The following INSL6 variants were observed in gnomAD, a reference collection of about 807,000 sequenced individuals.
The protein encoded by INSL6 is insulin like 6.
A neutral mutation model predicts 9.4 loss-of-function variants in INSL6; 16 were observed. That is an observed-to-expected ratio of 1.70 (90% CI 1.15 to 2.59). The LOEUF is 2.59. Among genes scored for constraint, INSL6 ranks in the 30% most tolerant of loss-of-function variants. INSL6 has a pLI of 0.00. For missense variants in INSL6, 391 were observed against 257.3 expected (o/e 1.52, Z -3.56); for synonymous variants, 154 against 96.9 (o/e 1.59, Z -3.46).
the INSL6 span, among the ~76,000 whole-genome samples, chr9:5,081,020 T>G: frequency 6.6e-6 from 1 of 150,546 alleles, no homozygotes; most frequent in Non-Finnish European, 1.5e-5. Context: ...CTCAGCCTCC[T>G]GAGTAGCTGG....
At chr9:5,017,960 TC>T in the INSL6 span, among the ~76,000 whole-genome samples, 1 of 152,214 alleles carries the variant, frequency 6.6e-6, no homozygotes, top group Non-Finnish European at 1.5e-5. Flanking sequence ...TCTTTTTCTA[TC>T]CCTTTACTTT....
chr9:5,110,776 G>C, the INSL6 span: 1 of 393,896 alleles, frequency 2.5e-6, no homozygotes, highest in Middle Eastern at 8.5e-4. Flanking sequence ...TGCAGGAGTG[G>C]TAAGGGCCCG....
At chr9:5,066,135 T>C in the INSL6 span, among the ~76,000 whole-genome samples, 1 of 152,152 alleles carries the variant, frequency 6.6e-6, no homozygotes, top group East Asian at 1.9e-4. Context: ...TTCTTTTGTA[T>C]AGATTATATT....
chr9:5,116,064 TA>T, the INSL6 span, among the ~76,000 whole-genome samples: 2 of 150,118 alleles, frequency 1.3e-5, no homozygotes, highest in African/African-American at 4.9e-5. Context: ...TAATAAAATT[TA>T]AAAAAAAAAC....
chr9:5,113,867 C>G, the INSL6 span: 4 of 209,368 alleles, frequency 1.9e-5, no homozygotes, highest in Non-Finnish European at 3.9e-5. Context: ...AGGGACTTCA[C>G]CCTCCCCACC....
chr9:5,012,171 T>C, the INSL6 span, among the ~76,000 whole-genome samples: 1 of 152,206 alleles, frequency 6.6e-6, no homozygotes, highest in Non-Finnish European at 1.5e-5. Context: ...CCAGTAAGAC[T>C]GCAGCTTTTT....
At chr9:5,057,548 C>G in the INSL6 span, among the ~76,000 whole-genome samples, 1 of 150,716 alleles carries the variant, frequency 6.6e-6, no homozygotes, top group Non-Finnish European at 1.5e-5. Flanking sequence ...ATTTCCCCCT[C>G]TTCCCAATCC....
the INSL6 span, among the ~76,000 whole-genome samples, chr9:5,046,649 CTG>C: frequency 6.6e-6 from 1 of 152,166 alleles, no homozygotes; most frequent in Admixed American, 6.5e-5. Flanking sequence ...TGTTGAAAGA[CTG>C]TCTTTTCTCC....
At chr9:5,068,076 C>G in the INSL6 span, among the ~76,000 whole-genome samples, 8 of 151,678 alleles carry the variant, frequency 5.3e-5, no homozygotes, top group African/African-American at 1.9e-4. Context: ...AGGAGAAGCG[C>G]TTGAACCCGG....
At chr9:5,130,399 A>G (rs1480170192) in intron 3 of INSL6, among the ~76,000 whole-genome samples, 1 of 152,166 alleles carries the variant, frequency 6.6e-6, no homozygotes, top group African/African-American at 2.4e-5. Context: ...AATAACAGAT[A>G]GATCAAGGTG....
chr9:5,073,644 C>A, the INSL6 span: 2 of 1,305,564 alleles, frequency 1.5e-6, no homozygotes, highest in Non-Finnish European at 2.2e-6. Context: ...ATTTTCTGAA[C>A]TATTTATGGA....
downstream of INSL6, among the ~76,000 whole-genome samples, chr9:5,160,412 C>T: frequency 6.6e-6 from 1 of 151,880 alleles, no homozygotes; most frequent in Non-Finnish European, 1.5e-5. Context: ...ATAACGGAAA[C>T]ACAACATACC....
chr9:5,077,060 T>C, the INSL6 span, among the ~76,000 whole-genome samples: 3 of 151,950 alleles, frequency 2.0e-5, no homozygotes, highest in East Asian at 1.9e-4. Flanking sequence ...CTATAGACAA[T>C]TGTTAGTAAT....
the INSL6 span, among the ~76,000 whole-genome samples, chr9:5,018,404 T>C: frequency 6.6e-6 from 1 of 152,172 alleles, no homozygotes; most frequent in Admixed American, 6.5e-5. Flanking sequence ...GGTGTGATCA[T>C]GGCTCACTGC....
At chr9:5,034,021 G>C in the INSL6 span, among the ~76,000 whole-genome samples, 5 of 152,196 alleles carry the variant, frequency 3.3e-5, no homozygotes, top group African/African-American at 1.2e-4. Context: ...ACACACATAG[G>C]CTCAAAATAA....
chr9:5,081,814 A>C, the INSL6 span: 1 of 1,613,608 alleles, frequency 6.2e-7, no homozygotes, highest in Non-Finnish European at 8.5e-7. Context: ...CCGGGATCCT[A>C]CACAGTTTGA....
In INSL6 at chr9:5,164,194, C is replaced by T; in HGVS notation, c.361G>A (p.Gly121Arg). ...CTTGTCTTACCAAGGGGTGAATATC[C>T]CTTTTTATCCTTATACTCAGGTAGT... ...QSLPEYKDKK[G>R]YSPLGKTREF... is the part of the protein sequence containing the mutation. The change falls in exon 2 of 2, where the codon GGA (glycine) becomes AGA (arginine). Residue 121 changes from glycine (G) to arginine (R), a missense_variant. By Grantham distance (125) the Gly-to-Arg change is moderately radical. Coordinates refer to ENST00000381641, the MANE Select transcript of INSL6 (RefSeq NM_007179.3). 1 of 1,605,814 alleles carries T rather than the reference C, an allele frequency of 6.2e-7. No homozygotes were observed. The highest frequency in any genetic ancestry group is 8.5e-7 in the Non-Finnish European group (1 of 1,176,944).
At chr9:5,160,100 C>CG (rs1342453196), downstream of INSL6, among the ~76,000 whole-genome samples, 3 of 149,048 alleles carry the variant, frequency 2.0e-5, no homozygotes, top group Non-Finnish European at 3.0e-5. Flanking sequence ...CACTTGAACC[C>CG]GGGGGATGGA....
At chr9:5,171,488 CG>C (rs1825179595) in intron 1 of INSL6, among the ~76,000 whole-genome samples, 1 of 152,094 alleles carries the variant, frequency 6.6e-6, no homozygotes, top group Non-Finnish European at 1.5e-5. Flanking sequence ...CCAAGGCAAT[CG>C]GGCAAGAGAA....
Sources: allele counts gnomAD v4.1 joint callset (sites outside exome capture counted in the v4.1 genomes callset), GRCh38; gene constraint gnomAD v4.1.1; transcripts MANE v1.5; gene names NCBI Gene and HGNC (gene_info 2026-07-23, HGNC 2026-07-21).